FAF1: variants seen among roughly 807,000 people sequenced by gnomAD.
FAF1 encodes Fas associated factor 1, also known as FAS-associated factor 1.
A neutral mutation model predicts 92.5 loss-of-function variants in FAF1; 25 were observed. That is an observed-to-expected ratio of 0.27 (90% CI 0.20 to 0.38). FAF1 has a LOEUF of 0.38. Among genes scored for constraint, FAF1 ranks in the 10% least tolerant of loss-of-function variants. The probability of loss-of-function intolerance (pLI) is 1.00; values close to 1 mark genes in which losing one functional copy is unlikely to be tolerated. For missense variants in FAF1, 636 were observed against 793.3 expected (o/e 0.80, Z 2.38); for synonymous variants, 234 against 273.2 (o/e 0.86, Z 1.42).
At chr1:50,547,188 C>T (rs558535255) in intron 13 of FAF1, among the ~76,000 whole-genome samples, 9 of 152,010 alleles carry the variant, frequency 5.9e-5, no homozygotes, top group African/African-American at 1.2e-4. Flanking sequence ...CCACCACACC[C>T]GGACCTCAAA....
rs183600075 is a variant in FAF1, at chr1:50,454,162, G to T, written c.1870-12639C>A. 2.6e-5 allele frequency among the ~76,000 whole-genome samples: 4 copies of T among 152,276 alleles called. No individual in the cohort carries two copies. The South Asian group carries it at 6.2e-4, about 24-fold the overall frequency. On this transcript the variant is annotated intron_variant, in intron 18 of 18. Transcript: ENST00000396153. ...AATCTGGGTCTAAATTTTCGAACAGGGGGTAGGGGCTTGGCCCCAACATTG... is the reference window on the plus strand; with the variant it reads ...AATCTGGGTCTAAATTTTCGAACAGTGGGTAGGGGCTTGGCCCCAACATTG...
chr1:50,519,670 C>T (rs960896306), intron 15 of FAF1, among the ~76,000 whole-genome samples: 2 of 152,114 alleles, frequency 1.3e-5, no homozygotes, highest in Non-Finnish European at 2.9e-5. Context: ...AATATCTAAT[C>T]TGAAATTAGA....
At chr1:50,618,728 C>T (rs866443275) in intron 8 of FAF1, among the ~76,000 whole-genome samples, 8 of 150,808 alleles carry the variant, frequency 5.3e-5, no homozygotes, top group South Asian at 2.1e-4. Flanking sequence ...TTTGTTTTAT[C>T]GAATATAAGA....
At chr1:50,662,702 T>C (rs1655433944) in intron 7 of FAF1, among the ~76,000 whole-genome samples, 1 of 128,876 alleles carries the variant, frequency 7.8e-6, no homozygotes, top group African/African-American at 3.2e-5. Flanking sequence ...TTTTTTTTTT[T>C]TTTTTTTTTT....
At chr1:50,864,495 T>G (rs947103890) in intron 1 of FAF1, among the ~76,000 whole-genome samples, 1 of 152,016 alleles carries the variant, frequency 6.6e-6, no homozygotes, top group Non-Finnish European at 1.5e-5. Context: ...AACAGAGATA[T>G]AGATCAATGG....
intron 1 of FAF1, among the ~76,000 whole-genome samples, chr1:50,938,190 G>T (rs1344007929): frequency 6.6e-6 from 1 of 152,136 alleles, no homozygotes; most frequent in Non-Finnish European, 1.5e-5. Context: ...CATTACTATA[G>T]CAATTGTGGA....
chr1:50,546,252 T>C (rs1467000175), intron 13 of FAF1, among the ~76,000 whole-genome samples: 2 of 152,246 alleles, frequency 1.3e-5, no homozygotes, highest in Non-Finnish European at 2.9e-5. Context: ...GATTTCTTTA[T>C]TAACTGATAT....
chr1:50,643,863 G>A (rs900705486), intron 8 of FAF1, among the ~76,000 whole-genome samples: 6 of 152,170 alleles, frequency 3.9e-5, no homozygotes, highest in Admixed American at 1.3e-4. Context: ...AAAGTGCTGG[G>A]ATTACAGACA....
intron 2 of FAF1, among the ~76,000 whole-genome samples, chr1:50,843,379 A>G (rs930088018): frequency 1.3e-5 from 2 of 152,220 alleles, no homozygotes; most frequent in African/African-American, 4.8e-5. Flanking sequence ...TCAAACATTT[A>G]TCATTTATTT....
intron 7 of FAF1, among the ~76,000 whole-genome samples, chr1:50,664,726 G>A (rs893875535): frequency 7.2e-5 from 11 of 152,312 alleles, no homozygotes; most frequent in Admixed American, 3.3e-4. Flanking sequence ...CCCAGGAGGC[G>A]GAGCTTGCAG....
chr1:50,941,689 A>G (rs1419843541), intron 1 of FAF1, among the ~76,000 whole-genome samples: 1 of 152,210 alleles, frequency 6.6e-6, no homozygotes, highest in East Asian at 1.9e-4. Context: ...ATAAAAGACA[A>G]TGTGGTAAAG....
In FAF1 at chr1:50,582,020, T is replaced by C. The variant is rs146298321; in HGVS notation, c.1113+598A>G. On this transcript the variant is annotated intron_variant, in intron 12 of 18. Transcript: ENST00000396153. Reference sequence around the variant, plus strand: ...ATAGACTTCAAGATCACAAAGTCCATTTCTATGTTTAAAACCTTTTTTTGG... The same window carrying C: ...ATAGACTTCAAGATCACAAAGTCCACTTCTATGTTTAAAACCTTTTTTTGG... Among the ~76,000 whole-genome samples the C allele has an allele frequency of 1.3e-3, 196 of 151,826 alleles. 4 individuals are homozygous for C. In the East Asian group the frequency reaches 0.033, roughly 25 times the overall value.
At chr1:50,574,398 C>G (rs926196155) in intron 12 of FAF1, among the ~76,000 whole-genome samples, 1 of 152,144 alleles carries the variant, frequency 6.6e-6, no homozygotes. Flanking sequence ...CAGTGTCAGG[C>G]CAACTCTCAT....
chr1:50,588,199 A>G (rs373827781), intron 9 of FAF1, among the ~76,000 whole-genome samples: 2 of 152,222 alleles, frequency 1.3e-5, no homozygotes, highest in African/African-American at 2.4e-5. Context: ...AGGCAGGAGA[A>G]TCACTTGAAC....
intron 2 of FAF1, chr1:50,846,399 C>T (rs1644300114): frequency 2.8e-6 from 1 of 357,646 alleles, no homozygotes; most frequent in Non-Finnish European, 5.4e-6. Context: ...CCCCGCCATC[C>T]CTGCCATCCC....
At chr1:50,495,724 A>G (rs115343398) in intron 15 of FAF1, among the ~76,000 whole-genome samples, 1,998 of 152,292 alleles carry the variant, frequency 0.013, 42 homozygotes, top group African/African-American at 0.044. Context: ...TACATTCCCA[A>G]TAACAGTGTA....
At chr1:50,878,004 C>G (rs1368498460) in intron 1 of FAF1, among the ~76,000 whole-genome samples, 1 of 152,208 alleles carries the variant, frequency 6.6e-6, no homozygotes, top group African/African-American at 2.4e-5. Context: ...ACCACTATCA[C>G]TTGCCAATCT....
chr1:50,712,507 T>G (rs576223786), intron 6 of FAF1, among the ~76,000 whole-genome samples: 3 of 151,982 alleles, frequency 2.0e-5, no homozygotes, highest in Non-Finnish European at 4.4e-5. Flanking sequence ...AATACAAAAA[T>G]GAGCCAGGCG....
intron 18 of FAF1, among the ~76,000 whole-genome samples, chr1:50,457,939 C>A (rs1475765203): frequency 1.3e-4 from 19 of 148,998 alleles, no homozygotes. Flanking sequence ...ATCGACCGGG[C>A]GCGGTGGCTC....
Sources: gnomAD v4.1 joint callset for allele counts (sites outside exome capture counted in the v4.1 genomes callset) on GRCh38, gnomAD v4.1.1 for gene constraint, MANE v1.5 for transcripts, NCBI Gene and HGNC (gene_info 2026-07-23, HGNC 2026-07-21) for gene names.